CROCC: variants seen among roughly 807,000 people sequenced by gnomAD.
CROCC encodes the protein rootletin.
Under a neutral mutation model 245.2 loss-of-function variants are expected in CROCC, and 180 were observed. That is an observed-to-expected ratio of 0.73 (90% CI 0.65 to 0.83). The LOEUF (loss-of-function observed/expected upper bound fraction) is 0.83, where lower values mean the gene tolerates loss of function less well. Among genes scored for constraint, CROCC ranks in the 40% least tolerant of loss-of-function variants. The pLI is 0.00. For missense variants in CROCC, 2,688 were observed against 2,779.4 expected (o/e 0.97, Z 0.74); for synonymous variants, 1,205 against 1,241.6 (o/e 0.97, Z 0.62).
intron 8 of CROCC, among the ~76,000 whole-genome samples, chr1:16,934,577 AC>A (rs2075747747): frequency 6.6e-6 from 1 of 152,290 alleles, no homozygotes; most frequent in African/African-American, 2.4e-5. Flanking sequence ...TGCTGGAATT[AC>A]AGAAATGGCC....
At chr1:16,938,322 G>A (rs1374461778) in intron 10 of CROCC, 78 bp from the exon 11 acceptor site, 4 of 1,357,636 alleles carry the variant, frequency 2.9e-6, no homozygotes, top group Admixed American at 2.1e-5. Flanking sequence ...TCAGTGGTGG[G>A]CCAGGTAGGG....
chr1:16,947,385 CT>C (rs1310884013), intron 17 of CROCC, among the ~76,000 whole-genome samples: 2 of 152,216 alleles, frequency 1.3e-5, no homozygotes, highest in Non-Finnish European at 2.9e-5. Flanking sequence ...AGGAGAATCG[CT>C]TGAACCCAGG....
In CROCC at chr1:16,946,845, C is replaced by A. The variant is rs1365553120; in HGVS notation, c.2368C>A (p.Leu790Ile). 1 of 1,554,594 alleles carries A rather than the reference C, an allele frequency of 6.4e-7. No homozygotes were observed. Among genetic ancestry groups the A allele is most frequent in the Non-Finnish European group, 8.7e-7 (1 of 1,148,962 alleles). The part of the protein sequence containing the change: ...ATVAREEQER[L>I]EELRLEQEVA... ...AGTGGCGCGGGAAGAGCAGGAACGG[C>A]TAGAGGAGCTGCGGTTGGAGCAGGA... Residue 790 changes from leucine to isoleucine, a missense_variant, in exon 17 of 37, where the codon CTA (leucine) becomes ATA (isoleucine). Physicochemically the swap from Leu to Ile is conservative, Grantham distance 5 (BLOSUM62 2). This residue lies in a region of CROCC where 295 missense variants were observed against 241.7 expected (regional missense o/e 1.22). Transcript: ENST00000375541.
intron 8 of CROCC, 24 bp downstream of exon 8, chr1:16,931,421 C>A: frequency 1.9e-6 from 3 of 1,592,042 alleles, no homozygotes; most frequent in Non-Finnish European, 2.6e-6. Context: ...GGGGACGGGG[C>A]AGCAGCTGAG....
chr1:16,928,161 G>A (rs1210030943), intron 3 of CROCC, among the ~76,000 whole-genome samples: 1 of 152,278 alleles, frequency 6.6e-6, no homozygotes, highest in Non-Finnish European at 1.5e-5. Flanking sequence ...GCCCTGCCTG[G>A]GCTGTAGCAG....
At position 16,944,652 on chromosome 1, in the gene CROCC, A is replaced by G. The variant is rs1198247570; in HGVS notation, c.1991+370A>G. Among the ~76,000 whole-genome samples the G allele has an allele frequency of 5.2e-5, 8 of 152,382 alleles. No homozygotes were observed. In the East Asian group the frequency reaches 1.2e-3, roughly 22 times the overall value. On this transcript the variant is annotated intron_variant, in intron 14 of 36. Transcript: ENST00000375541. The stretch of plus-strand genomic sequence containing the variant: ...CAATTCAGTTCTCTCATTTAACTCC[A>G]TGATAACTCTGTGACATAGAAGCGG...
intron 21 of CROCC, chr1:16,953,749 T>TC: frequency 2.5e-6 from 1 of 408,084 alleles, no homozygotes; most frequent in Non-Finnish European, 4.3e-6. Context: ...CCATGCCTCG[T>TC]CCCACCCCAC....
At position 16,933,373 on chromosome 1, in the gene CROCC, C is replaced by A. The variant is rs1463688811; in HGVS notation, c.956+1976C>A. 1.1e-4 allele frequency among the ~76,000 whole-genome samples: 16 copies of A among 152,326 alleles called. No individual in the cohort carries two copies. In the South Asian group the frequency reaches 1.5e-3, roughly 14 times the overall value. ...TCCCAGCTACTGGGGAGGCTGAGGCCCCAGACTCGCCTGAACCCAGGAGGC... is the reference window on the plus strand; with the variant it reads ...TCCCAGCTACTGGGGAGGCTGAGGCACCAGACTCGCCTGAACCCAGGAGGC... On this transcript the variant is annotated intron_variant, in intron 8 of 36. Coordinates refer to ENST00000375541, the MANE Select transcript of CROCC (RefSeq NM_014675.5).
chr1:16,931,159 G>C (rs1165321501), intron 7 of CROCC, 132 bp from the exon 8 acceptor site: 1 of 755,194 alleles, frequency 1.3e-6, no homozygotes. Flanking sequence ...ACACAGCTCT[G>C]TGCACAGACC....
At chr1:16,919,268 A>T (rs965721237), upstream of CROCC, among the ~76,000 whole-genome samples, 1 of 152,286 alleles carries the variant, frequency 6.6e-6, no homozygotes, top group Non-Finnish European at 1.5e-5. Flanking sequence ...CCCTTCAGTC[A>T]CTCATTGGGA....
At position 16,970,675 on chromosome 1, in the gene CROCC, C is replaced by A; in HGVS notation, c.5692C>A (p.Arg1898=). ...GCTTCGTAGCCATGAGGACACAGTGCGGCTGAGCGCAGAGAAGGGCCGCCT... is the reference window on the plus strand; with the variant it reads ...GCTTCGTAGCCATGAGGACACAGTGAGGCTGAGCGCAGAGAAGGGCCGCCT... ...EKLRSHEDTV[R]LSAEKGRLDR... Residue 1898 remains arginine (R), a synonymous_variant, in exon 35 of 37, where the codon CGG becomes AGG. Transcript: ENST00000375541. The A allele has an allele frequency of 3.8e-6, 6 of 1,595,510 alleles. No homozygotes were observed. Among genetic ancestry groups the A allele is most frequent in the South Asian group, 1.1e-5 (1 of 88,316 alleles).
At chr1:16,939,573 A>AG (rs1297986664) in intron 12 of CROCC, among the ~76,000 whole-genome samples, 2 of 152,004 alleles carry the variant, frequency 1.3e-5, no homozygotes, top group African/African-American at 4.8e-5. Context: ...CCAGGATGCA[A>AG]GGGGGAGGAG....
rs2075853622 is a variant in CROCC, at chr1:16,938,942, C to G, written c.1408C>G (p.Leu470Val). 3 of 1,600,180 alleles carry G rather than the reference C, an allele frequency of 1.9e-6. No homozygotes were observed. In the African/African-American group the frequency reaches 4.0e-5, roughly 22 times the overall value. The change falls in exon 12 of 37, where the codon CTG becomes GTG. Residue 470 changes from leucine to valine, a missense_variant. Leu to Val is a conservative substitution (Grantham distance 32). Around this residue, in one of 9 missense-constraint regions of CROCC, gnomAD observed 972 missense variants for 895.3 expected, o/e 1.09. Coordinates refer to ENST00000375541, the MANE Select transcript of CROCC (RefSeq NM_014675.5). Reference protein sequence around the residue: ...VLSDSESGVQLSGSERTADAS... With the variant: ...VLSDSESGVQVSGSERTADAS... Reference sequence around the variant, plus strand: ...GTCAGACTCTGAGAGCGGCGTCCAGCTGAGCGGCTCTGAGCGCACCGCGGA... The same window carrying G: ...GTCAGACTCTGAGAGCGGCGTCCAGGTGAGCGGCTCTGAGCGCACCGCGGA...
At position 16,970,676 on chromosome 1, in the gene CROCC, G is replaced by A. The variant is rs376954004; in HGVS notation, c.5693G>A (p.Arg1898Gln). The A allele has an allele frequency of 1.4e-5, 23 of 1,597,280 alleles. No homozygotes were observed. In the Admixed American group the frequency reaches 1.6e-4, roughly 11 times the overall value. The change falls in exon 35 of 37, where the codon CGG becomes CAG. Residue 1898 changes from arginine to glutamine, a missense_variant. By Grantham distance (43) the Arg-to-Gln change is conservative (BLOSUM62 1). Coordinates refer to ENST00000375541, the MANE Select transcript of CROCC (RefSeq NM_014675.5). ...CTTCGTAGCCATGAGGACACAGTGC[G>A]GCTGAGCGCAGAGAAGGGCCGCCTG... The part of the protein sequence containing the change: ...EKLRSHEDTV[R>Q]LSAEKGRLDR...
intron 26 of CROCC, 24 bp downstream of exon 26, chr1:16,958,774 G>C: frequency 6.5e-7 from 1 of 1,544,274 alleles, no homozygotes; most frequent in Non-Finnish European, 8.8e-7. Context: ...CGGGCAGGCT[G>C]GTGCATCTTT....
chr1:16,934,094 T>C (rs2075737598), intron 8 of CROCC, among the ~76,000 whole-genome samples: 1 of 152,270 alleles, frequency 6.6e-6, no homozygotes, highest in Non-Finnish European at 1.5e-5. Flanking sequence ...AATGTGTTCT[T>C]CCAGCAGGAT....
At chr1:16,969,437 G>GGGCAGTCAGTTGGAGCCAATGA in intron 32 of CROCC, 97 bp downstream of exon 32, 1 of 1,237,610 alleles carries the variant, frequency 8.1e-7, no homozygotes, top group Non-Finnish European at 1.1e-6. Context: ...CCAGCCAATG[G>GGGCAGTCAGTTGGAGCCAATGA]GGCAGTCAGT....
At position 16,930,273 on chromosome 1, in the gene CROCC, C is replaced by T. The variant is rs1397712316; in HGVS notation, c.622-13C>T. On this transcript the variant is annotated splice_polypyrimidine_tract_variant and intron_variant, in intron 5 of 36. Transcript: ENST00000375541. Reference sequence around the variant, plus strand: ...CCTGCCCAACCTGATGCTTTAACCTCTCTCCCACCCAGGACACAGAGCACA... The same window carrying T: ...CCTGCCCAACCTGATGCTTTAACCTTTCTCCCACCCAGGACACAGAGCACA... 6.3e-7 allele frequency: 1 copy of T among 1,598,328 alleles called. No individual in the cohort carries two copies. Among genetic ancestry groups the T allele is most frequent in the African/African-American group, 1.3e-5 (1 of 74,648 alleles).
chr1:16,924,827 TG>T (rs1171248291), intron 3 of CROCC, among the ~76,000 whole-genome samples: 1 of 152,288 alleles, frequency 6.6e-6, no homozygotes, highest in African/African-American at 2.4e-5. Context: ...CTTGAGTTTC[TG>T]GGCATCTCCC....
Sources: gnomAD v4.1 joint callset for allele counts (sites outside exome capture counted in the v4.1 genomes callset) on GRCh38, gnomAD v4.1.1 for gene constraint, gnomAD v4.1.1 regional missense constraint, MANE v1.5 for transcripts, NCBI Gene and HGNC (gene_info 2026-07-23, HGNC 2026-07-21) for gene names.